Variants in FGF13 observed in about 807,000 individuals in gnomAD.
The protein encoded by FGF13 is fibroblast growth factor 13.
Under a neutral mutation model 19.5 loss-of-function variants are expected in FGF13, and 2 were observed. The observed-to-expected ratio is 0.10, with a 90% CI of 0.04 to 0.32. The LOEUF (loss-of-function observed/expected upper bound fraction) is 0.32, where lower values mean the gene tolerates loss of function less well. Among genes scored for constraint, FGF13 ranks in the 10% least tolerant of loss-of-function variants. The probability of loss-of-function intolerance (pLI) is 1.00; values close to 1 mark genes in which losing one functional copy is unlikely to be tolerated. For missense variants in FGF13, 113 were observed against 192.7 expected (o/e 0.59, Z 2.45); for synonymous variants, 72 against 76.9 (o/e 0.94, Z 0.33).
chrX:138,953,203 A>T (rs1405450524), intron 1 of FGF13, among the ~76,000 whole-genome samples: 1 of 111,082 alleles, frequency 9.0e-6, no homozygotes, highest in Non-Finnish European at 1.9e-5. Flanking sequence ...GATAGACTGG[A>T]TTAAGAAAAT....
chrX:139,165,973 A>G (rs929658482), intron 1 of FGF13, among the ~76,000 whole-genome samples: 7 of 111,972 alleles, frequency 6.3e-5, no homozygotes, highest in African/African-American at 2.3e-4. Flanking sequence ...ACAGTCTCAT[A>G]GGAAGAAGGG....
At chrX:138,823,726 G>C (rs1432170166) in intron 3 of FGF13, among the ~76,000 whole-genome samples, 13 of 111,808 alleles carry the variant, frequency 1.2e-4, no homozygotes, top group African/African-American at 4.2e-4. Flanking sequence ...TATCATTTCT[G>C]AGCACTTACT....
intron 2 of FGF13, among the ~76,000 whole-genome samples, chrX:138,703,884 T>C (rs1352002685): frequency 6.3e-5 from 7 of 111,244 alleles, no homozygotes; most frequent in Non-Finnish European, 1.3e-4. Flanking sequence ...CCGGCTAATT[T>C]TGTATTTTTA....
At chrX:138,714,242 C>A (rs1354993173), upstream of FGF13, 1 of 112,111 alleles carries the variant, frequency 8.9e-6, no homozygotes, top group Non-Finnish European at 1.9e-5. Context: ...ACAAAGAGAA[C>A]TCACAAAGGC....
chrX:138,971,806 T>C (rs2091917631), intron 1 of FGF13, among the ~76,000 whole-genome samples: 1 of 111,453 alleles, frequency 9.0e-6, no homozygotes, highest in Admixed American at 9.5e-5. Flanking sequence ...ACACAAACAT[T>C]TTATTACTTC....
At chrX:138,833,246 T>C (rs1385256107) in intron 3 of FGF13, among the ~76,000 whole-genome samples, 1 of 112,343 alleles carries the variant, frequency 8.9e-6, no homozygotes, top group African/African-American at 3.2e-5. Flanking sequence ...ATAAATTGCT[T>C]TGGGCAATAA....
intron 1 of FGF13, among the ~76,000 whole-genome samples, chrX:138,930,344 T>A: frequency 8.9e-6 from 1 of 112,366 alleles, no homozygotes; most frequent in Non-Finnish European, 1.9e-5. Flanking sequence ...GTTCATTTAT[T>A]TAGTAAAAGC....
At chrX:138,970,289 A>C (rs985379129) in intron 1 of FGF13, among the ~76,000 whole-genome samples, 1 of 111,559 alleles carries the variant, frequency 9.0e-6, no homozygotes, top group Non-Finnish European at 1.9e-5. Context: ...TTTAAAAATA[A>C]TTAAGCGGAG....
In FGF13 at chrX:138,858,016, C is replaced by T. The variant is rs770997227; in HGVS notation, c.-38-337G>A. On this transcript the variant is annotated intron_variant, in intron 2 of 2. Transcript: ENST00000421460. ...GAACTTATAGGTTTCAGATTGAGTA[C>T]AATATAAGTATTCATAGGTTAAACT... 3.6e-5 allele frequency among the ~76,000 whole-genome samples: 4 copies of T among 111,838 alleles called. 1 individual carries two copies. In the South Asian group the frequency reaches 1.1e-3, roughly 32 times the overall value.
chrX:138,939,927 A>G (rs184893150), intron 1 of FGF13, among the ~76,000 whole-genome samples: 1 of 111,857 alleles, frequency 8.9e-6, no homozygotes, highest in African/African-American at 3.2e-5. Context: ...TCTTTTGGGT[A>G]TATACCCAAC....
intron 1 of FGF13, among the ~76,000 whole-genome samples, chrX:139,158,611 C>G (rs1246843078): frequency 1.8e-5 from 2 of 111,189 alleles, no homozygotes; most frequent in Non-Finnish European, 3.8e-5. Flanking sequence ...ACTAGAATAA[C>G]CAGTTTAAAG....
intron 1 of FGF13, among the ~76,000 whole-genome samples, chrX:138,892,960 G>C (rs1331396876): frequency 1.9e-5 from 2 of 107,547 alleles, no homozygotes; most frequent in East Asian, 2.9e-4. Flanking sequence ...GGAAGCAAAG[G>C]GGGGTGGGCA....
intron 1 of FGF13, among the ~76,000 whole-genome samples, chrX:138,907,423 C>T (rs978360781): frequency 1.8e-5 from 2 of 111,638 alleles, no homozygotes; most frequent in African/African-American, 6.5e-5. Flanking sequence ...AAAGTTCAGG[C>T]TGCAGCTGGA....
intron 3 of FGF13, among the ~76,000 whole-genome samples, chrX:138,837,669 T>G (rs1431748596): frequency 1.8e-5 from 2 of 111,797 alleles, no homozygotes; most frequent in Non-Finnish European, 3.8e-5. Flanking sequence ...TTCTGCCCCA[T>G]GAGGAGGAAG....
intron 3 of FGF13, among the ~76,000 whole-genome samples, chrX:138,807,596 T>C (rs954355025): frequency 3.6e-5 from 4 of 111,652 alleles, no homozygotes; most frequent in Non-Finnish European, 7.5e-5. Flanking sequence ...CATAACAATA[T>C]TAACATTAAC....
intron 1 of FGF13, among the ~76,000 whole-genome samples, chrX:139,120,799 C>T (rs758695586): frequency 4.4e-5 from 5 of 112,949 alleles, no homozygotes; most frequent in African/African-American, 1.6e-4. Context: ...GGGCTGTGGG[C>T]CAGCCAGAGG....
chrX:138,841,622 C>G (rs1391961265), intron 3 of FGF13, among the ~76,000 whole-genome samples: 1 of 110,469 alleles, frequency 9.1e-6, no homozygotes, highest in East Asian at 2.8e-4. Flanking sequence ...GATAAAGGAA[C>G]AAAATCAAAG....
At chrX:138,808,623 A>T (rs763653196) in intron 3 of FGF13, among the ~76,000 whole-genome samples, 73 of 111,405 alleles carry the variant, frequency 6.6e-4, no homozygotes, top group Non-Finnish European at 1.1e-3. Context: ...GAGACACAAA[A>T]AACCCTTAAA....
At position 138,627,613 on chromosome X, in the gene FGF13, G is replaced by GTA. The variant is rs1428845673; in HGVS notation, c.*5236_*5237insTA. ...TGTGTGTGCCTGTGTGTGTGTGTGT[G>GTA]TGTGTGTGTGTGTGCGCGTGTGTGT... On this transcript the variant is annotated 3_prime_UTR_variant, in exon 5 of 5. Transcript: ENST00000315930. The GTA allele has an allele frequency of 1.1e-5, 1 of 93,901 alleles. No individual in the cohort carries two copies. The highest frequency in any genetic ancestry group is 3.6e-4 in the East Asian group (1 of 2,811). 7.7% of individuals were successfully genotyped at this position (93,901 alleles called of 1,213,427 possible). A position where few individuals can be genotyped will look rare whatever the true frequency, so the allele number is the denominator to read the frequency against.
Sources: gnomAD v4.1 joint callset for allele counts (sites outside exome capture counted in the v4.1 genomes callset) on GRCh38, gnomAD v4.1.1 for gene constraint, MANE v1.5 for transcripts, NCBI Gene and HGNC (gene_info 2026-07-23, HGNC 2026-07-21) for gene names.